The following POT1 variants were observed in gnomAD, a reference collection of about 807,000 sequenced individuals.
POT1 encodes protection of telomeres 1, also known as protection of telomeres protein 1.
A neutral mutation model predicts 78.5 loss-of-function variants in POT1; 47 were observed. The ratio of observed to expected loss-of-function variants is 0.60; its 90% confidence interval spans 0.47 to 0.76. The LOEUF is 0.76. POT1 is among the 30% of genes least tolerant of loss of function. The probability of loss-of-function intolerance (pLI) is 0.00; values close to 1 mark genes in which losing one functional copy is unlikely to be tolerated. For missense variants in POT1, 646 were observed against 749.9 expected (o/e 0.86, Z 1.62); for synonymous variants, 259 against 260.7 (o/e 0.99, Z 0.06).
At chr7:124,881,594 A>C (rs1796120093) in intron 6 of POT1, among the ~76,000 whole-genome samples, 1 of 152,024 alleles carries the variant, frequency 6.6e-6, no homozygotes, top group African/African-American at 2.4e-5. Flanking sequence ...TTTAACAAAT[A>C]GTAACAATGC....
intron 3 of POT1, 27 bp downstream of exon 3, chr7:124,915,547 T>C (rs1275194382): frequency 2.0e-5 from 3 of 152,060 alleles, no homozygotes; most frequent in Non-Finnish European, 2.9e-5. Flanking sequence ...AAAAGATAAG[T>C]AGAAATAGTT....
intron 2 of POT1, among the ~76,000 whole-genome samples, chr7:124,925,109 G>A (rs1469936398): frequency 6.6e-6 from 1 of 152,000 alleles, no homozygotes; most frequent in Non-Finnish European, 1.5e-5. Context: ...GCAAGTCCTA[G>A]CCAGAACAAT....
chr7:124,823,852 C>T lies in POT1; in HGVS notation c.*110G>A. The T allele has an allele frequency of 1.4e-6, 1 of 713,622 alleles. No individual in the cohort carries two copies. The allele number at this position is 713,622 out of a possible 1,614,324, so 44.2% of individuals were successfully genotyped here. A position where few individuals can be genotyped will look rare whatever the true frequency, so the allele number is the denominator to read the frequency against. On this transcript the variant is annotated 3_prime_UTR_variant, in exon 19 of 19. Transcript: ENST00000357628. ...GGTAAGGACATTTTCTAATCCCATA[C>T]CCATGCTAACATCATCAACATTGCT...
At chr7:124,923,860 G>A (rs1307676654) in intron 2 of POT1, among the ~76,000 whole-genome samples, 1 of 151,120 alleles carries the variant, frequency 6.6e-6, no homozygotes, top group Non-Finnish European at 1.5e-5. Flanking sequence ...TTACAGGCCA[G>A]AAGAGAAAGA....
intron 7 of POT1, among the ~76,000 whole-genome samples, chr7:124,868,997 C>A (rs1484751124): frequency 6.6e-6 from 1 of 151,778 alleles, no homozygotes; most frequent in Non-Finnish European, 1.5e-5. Flanking sequence ...ACAACTAGGG[C>A]AGTACTTAAA....
chr7:124,903,768 A>G (rs1276277954), intron 3 of POT1, among the ~76,000 whole-genome samples: 4 of 151,916 alleles, frequency 2.6e-5, no homozygotes, highest in Admixed American at 1.3e-4. Context: ...CAAAATTGAT[A>G]GACTGCTAGC....
chr7:124,883,204 T>C (rs974215648), intron 6 of POT1, among the ~76,000 whole-genome samples: 1 of 152,098 alleles, frequency 6.6e-6, no homozygotes, highest in African/African-American at 2.4e-5. Context: ...CCATTCATTG[T>C]AACAGGTAAC....
intron 14 of POT1, 40 bp from the exon 15 acceptor site, chr7:124,835,454 A>G (rs1288044782): frequency 6.3e-7 from 1 of 1,595,462 alleles, no homozygotes; most frequent in Admixed American, 1.7e-5. Context: ...TAGTGCAAAT[A>G]AAATGTAGAC....
intron 15 of POT1, among the ~76,000 whole-genome samples, chr7:124,834,433 G>A (rs1794843395): frequency 2.6e-5 from 4 of 152,072 alleles, no homozygotes; most frequent in Admixed American, 2.6e-4. Flanking sequence ...AGTGGGTGAA[G>A]GATATGAACA....
chr7:124,846,561 C>T (rs1010816174), intron 12 of POT1, among the ~76,000 whole-genome samples: 2 of 151,936 alleles, frequency 1.3e-5, no homozygotes, highest in African/African-American at 4.8e-5. Context: ...CTGTTAAATG[C>T]ATCATGTGAC....
intron 6 of POT1, among the ~76,000 whole-genome samples, chr7:124,879,394 A>G (rs568726011): frequency 2.8e-4 from 42 of 152,302 alleles, no homozygotes; most frequent in Non-Finnish European, 3.1e-4. Flanking sequence ...ACCTGCTAGC[A>G]TAGGGAATCA....
chr7:124,913,195 T>C (rs1052701962), intron 3 of POT1, among the ~76,000 whole-genome samples: 3 of 152,168 alleles, frequency 2.0e-5, no homozygotes, highest in Non-Finnish European at 4.4e-5. Context: ...CACATGGGAA[T>C]TGTGGGAGTT....
At chr7:124,909,511 T>C (rs186479818) in intron 3 of POT1, among the ~76,000 whole-genome samples, 4 of 152,012 alleles carry the variant, frequency 2.6e-5, no homozygotes, top group Admixed American at 6.6e-5. Flanking sequence ...CTTTAATAAA[T>C]TGGTATATTA....
chr7:124,917,208 T>TA (rs1563022177), intron 2 of POT1, among the ~76,000 whole-genome samples: 1 of 151,992 alleles, frequency 6.6e-6, no homozygotes, highest in African/African-American at 2.4e-5. Context: ...ATCTACCTAT[T>TA]AAAGGCTAAC....
At chr7:124,908,039 A>C (rs1445773004) in intron 3 of POT1, among the ~76,000 whole-genome samples, 1 of 152,028 alleles carries the variant, frequency 6.6e-6, no homozygotes, top group Non-Finnish European at 1.5e-5. Context: ...TACCTCAGAA[A>C]TTCTCAAGTC....
At chr7:124,893,482 A>C (rs148630265) in intron 5 of POT1, among the ~76,000 whole-genome samples, 71 of 151,652 alleles carry the variant, frequency 4.7e-4, no homozygotes, top group African/African-American at 1.6e-3. Context: ...CAACTAACAC[A>C]AATTCTTGAG....
intron 6 of POT1, among the ~76,000 whole-genome samples, chr7:124,872,959 T>C (rs1449811223): frequency 1.3e-5 from 2 of 152,224 alleles, no homozygotes; most frequent in African/African-American, 4.8e-5. Flanking sequence ...TTCGCATACC[T>C]GTCTGCCATT....
intron 9 of POT1, among the ~76,000 whole-genome samples, chr7:124,856,696 T>C (rs1479915791): frequency 2.6e-5 from 4 of 152,020 alleles, no homozygotes; most frequent in East Asian, 1.9e-4. Context: ...GGAAGCAGTA[T>C]AGGGAAAGAG....
intron 2 of POT1, among the ~76,000 whole-genome samples, chr7:124,921,719 C>G (rs906025392): frequency 1.3e-5 from 2 of 151,968 alleles, no homozygotes; most frequent in African/African-American, 4.8e-5. Flanking sequence ...AACTGAAAAT[C>G]CTCTCTGCCA....
Sources: gnomAD v4.1 joint callset for allele counts (sites outside exome capture counted in the v4.1 genomes callset) on GRCh38, gnomAD v4.1.1 for gene constraint, MANE v1.5 for transcripts, NCBI Gene and HGNC (gene_info 2026-07-23, HGNC 2026-07-21) for gene names.